Variants in ZNF98 observed in about 807,000 individuals in gnomAD.
ZNF98 encodes the protein zinc finger protein 739.
In ZNF98, 8 loss-of-function variants were observed where a neutral mutation model predicts 12.8. The observed-to-expected ratio is 0.63, with a 90% CI of 0.37 to 1.13. ZNF98 has a LOEUF of 1.13. ZNF98 is among the 50% of genes most tolerant of loss of function. ZNF98 has a pLI of 0.01. For missense variants in ZNF98, 379 were observed against 666.1 expected, an observed-to-expected ratio of 0.57 and a Z score of 4.74; for synonymous variants, 112 against 223.5, an observed-to-expected ratio of 0.50 and a Z score of 4.45.
At chr19:22,404,214 C>T (rs1031516516) in intron 1 of ZNF98, among the ~76,000 whole-genome samples, 2 of 152,090 alleles carry the variant, frequency 1.3e-5, no homozygotes, top group Admixed American at 6.5e-5. Context: ...AGCGAGACTC[C>T]GTCTCAAAAT....
At chr19:22,400,895 G>A (rs1969447836) in intron 3 of ZNF98, among the ~76,000 whole-genome samples, 1 of 143,246 alleles carries the variant, frequency 7.0e-6, no homozygotes, top group Non-Finnish European at 1.5e-5. Context: ...GGAGGTTGCA[G>A]TGAGCCGAGG....
At chr19:22,407,336 C>T (rs565031827) in intron 1 of ZNF98, among the ~76,000 whole-genome samples, 15 of 150,326 alleles carry the variant, frequency 1.0e-4, no homozygotes, top group Non-Finnish European at 1.3e-4. Context: ...GGATTACAGG[C>T]GTGAGCCACT....
rs187543583 is a variant in ZNF98 at position 22,417,686 on chromosome 19, A to G, written c.30+4509T>C. 3.6e-3 allele frequency among the ~76,000 whole-genome samples: 545 copies of G among 152,296 alleles called. 1 individual carries two copies. Among genetic ancestry groups the G allele is most frequent in the South Asian group, 7.7e-3 (37 of 4,830 alleles). ...AGATTCAGTGTCTGGGGGTTGGGAT[A>G]TGCCAGGAGACTTGTAGACACTTTT... On this transcript the variant is annotated intron_variant, in intron 1 of 3. Coordinates refer to ENST00000357774, the MANE Select transcript of ZNF98 (RefSeq NM_001098626.2).
chr19:22,418,505 T>C (rs1182272957), intron 1 of ZNF98, among the ~76,000 whole-genome samples: 1 of 152,234 alleles, frequency 6.6e-6, no homozygotes, highest in Non-Finnish European at 1.5e-5. Context: ...CTTTCCATTA[T>C]GACTTAGTTG....
chr19:22,392,491 G>A lies in ZNF98; in HGVS notation c.744C>T (p.Asn248=), dbSNP rs970173730. Residue 248 remains asparagine (N), a synonymous_variant, in exon 4 of 4, where the codon AAC becomes AAT. Transcript: ENST00000357774. ...YKCEECGKAF[N]RLSHLTTHKI... is the part of the protein sequence containing the mutation. ...TATGTGTAGTAAGGTGTGAGAGCCG[G>A]TTAAAGGCTTTTCCACACTCTTCGC... 11 of 1,583,652 alleles carry A rather than the reference G, an allele frequency of 6.9e-6. No individual in the cohort carries two copies. The highest frequency in any genetic ancestry group is 6.8e-5 in the African/African-American group (5 of 73,848).
chr19:22,416,305 C>T (rs541511554), intron 1 of ZNF98, among the ~76,000 whole-genome samples: 54 of 149,598 alleles, frequency 3.6e-4, no homozygotes, highest in African/African-American at 1.2e-3. Flanking sequence ...CCCGTCTCTA[C>T]GAAAAATACA....
intron 1 of ZNF98, among the ~76,000 whole-genome samples, chr19:22,416,389 G>A (rs1969642979): frequency 6.6e-6 from 1 of 151,866 alleles, no homozygotes; most frequent in African/African-American, 2.4e-5. Flanking sequence ...AGAATGGCGT[G>A]AACCCGGGAG....
At chr19:22,407,277 G>A (rs757131791) in intron 1 of ZNF98, among the ~76,000 whole-genome samples, 8 of 151,674 alleles carry the variant, frequency 5.3e-5, no homozygotes, top group East Asian at 2.0e-4. Flanking sequence ...GGTTGGTTTC[G>A]AACTCTTGAC....
At chr19:22,421,870 C>T (rs1462380002) in intron 1 of ZNF98, among the ~76,000 whole-genome samples, 1 of 152,174 alleles carries the variant, frequency 6.6e-6, no homozygotes, top group East Asian at 1.9e-4. Context: ...CCCAGCACCC[C>T]GAGTCAGGAT....
intron 2 of ZNF98, among the ~76,000 whole-genome samples, chr19:22,403,105 T>C (rs1301375623): frequency 1.3e-5 from 2 of 152,034 alleles, no homozygotes; most frequent in Admixed American, 1.3e-4. Context: ...GGCAATTAGA[T>C]TTTAAGATGT....
chr19:22,404,119 C>G (rs899556922), intron 1 of ZNF98, among the ~76,000 whole-genome samples: 4 of 152,194 alleles, frequency 2.6e-5, no homozygotes, highest in African/African-American at 9.6e-5. Flanking sequence ...ACTCGGGAGG[C>G]TGAGGCAGGA....
intron 1 of ZNF98, among the ~76,000 whole-genome samples, chr19:22,418,420 C>T (rs190795699): frequency 6.6e-6 from 1 of 152,210 alleles, no homozygotes; most frequent in Admixed American, 6.5e-5. Flanking sequence ...CATAGATAAT[C>T]CTGGTAAATA....
chr19:22,414,419 G>A (rs1302753032), intron 1 of ZNF98, among the ~76,000 whole-genome samples: 10 of 151,664 alleles, frequency 6.6e-5, no homozygotes, highest in Admixed American at 6.6e-4. Context: ...CCAAGAAAGG[G>A]CCCAAATAGC....
Position 22,397,442 on chromosome 19 carries a change from C to A in ZNF98, c.254-4461G>T, listed in dbSNP as rs1164936014. 2.0e-5 allele frequency among the ~76,000 whole-genome samples: 3 copies of A among 151,966 alleles called. No homozygotes were observed. In the East Asian group the frequency reaches 5.8e-4, roughly 29 times the overall value. On this transcript the variant is annotated intron_variant, in intron 3 of 3. Transcript: ENST00000357774. ...AGGTATAGAAAACACCCCTCAACAC[C>A]AGGACACACATGGTTCTCAATAGCT...
At chr19:22,393,316 T>G (rs115840969) in intron 3 of ZNF98, among the ~76,000 whole-genome samples, 2,709 of 152,324 alleles carry the variant, frequency 0.018, 83 homozygotes, top group African/African-American at 0.062. Context: ...CCTGGTTTCA[T>G]TTTCAAAAGA....
At chr19:22,397,236 A>G (rs201357574) in intron 3 of ZNF98, among the ~76,000 whole-genome samples, 2 of 105,100 alleles carry the variant, frequency 1.9e-5, no homozygotes, top group Admixed American at 9.1e-5. Flanking sequence ...GTGTGTGTGT[A>G]TCTCACATTA....
chr19:22,403,991 C>A (rs957329827), intron 1 of ZNF98, among the ~76,000 whole-genome samples: 8 of 152,190 alleles, frequency 5.3e-5, no homozygotes, highest in Non-Finnish European at 1.0e-4. Context: ...GAGGCTAAGG[C>A]AGGTGGATCA....
chr19:22,409,226 C>T (rs187405657), intron 1 of ZNF98, among the ~76,000 whole-genome samples: 23 of 152,090 alleles, frequency 1.5e-4, no homozygotes, highest in African/African-American at 4.8e-4. Context: ...CTGAGAAAAC[C>T]GGCTAGCCAT....
rs1415754065 is a variant in ZNF98, at chr19:22,397,208, G to GTTTT, written c.254-4231_254-4228dup. ...TGTACATCTGTGTGTGTGTGTGTGT[G>GTTTT]TTTTTGTGTGTGTGTGTGTGTGTGT... On this transcript the variant is annotated intron_variant, in intron 3 of 3. Coordinates refer to ENST00000357774, the MANE Select transcript of ZNF98 (RefSeq NM_001098626.2). Among the ~76,000 whole-genome samples, 421 of 64,042 alleles carry GTTTT rather than the reference G, an allele frequency of 6.6e-3. 4 individuals carry two copies. The highest frequency in any genetic ancestry group is 0.017 in the African/African-American group (410 of 24,408). 42.0% of individuals were successfully genotyped at this position (64,042 alleles called of 152,430 possible).
Sources: gnomAD v4.1 joint callset for allele counts (sites outside exome capture counted in the v4.1 genomes callset) on GRCh38, gnomAD v4.1.1 for gene constraint, MANE v1.5 for transcripts, NCBI Gene and HGNC (gene_info 2026-07-23, HGNC 2026-07-21) for gene names.